Variants in RCHY1 observed in about 807,000 individuals in gnomAD.
RCHY1 encodes the protein RING finger and CHY zinc finger domain-containing protein 1.
RCHY1 carries 21 observed loss-of-function variants against 41.6 expected under a neutral mutation model. That is an observed-to-expected ratio of 0.51 (90% CI 0.36 to 0.73). The LOEUF is 0.73. RCHY1 is among the 30% of genes least tolerant of loss of function. The pLI, the probability that RCHY1 is intolerant of heterozygous loss-of-function variation, is 0.00. For missense variants in RCHY1, 265 were observed against 325.3 expected, an observed-to-expected ratio of 0.81 and a Z score of 1.43; for synonymous variants, 79 against 102.9, an observed-to-expected ratio of 0.77 and a Z score of 1.41.
At chr4:75,504,838 A>T (rs1279430832) in intron 3 of RCHY1, among the ~76,000 whole-genome samples, 2 of 152,232 alleles carry the variant, frequency 1.3e-5, no homozygotes, top group Non-Finnish European at 1.5e-5. Context: ...TCTGCACATT[A>T]TTCACAAAAG....
At chr4:75,486,627 T>C (rs1346602950) in intron 8 of RCHY1, among the ~76,000 whole-genome samples, 1 of 152,074 alleles carries the variant, frequency 6.6e-6, no homozygotes, top group African/African-American at 2.4e-5. Context: ...TTAAAACTAC[T>C]AGATGTAAGA....
intron 8 of RCHY1, among the ~76,000 whole-genome samples, chr4:75,489,937 T>TGA (rs1722599132): frequency 6.6e-6 from 1 of 152,170 alleles, no homozygotes; most frequent in Non-Finnish European, 1.5e-5. Context: ...TGGACACCCA[T>TGA]GAGAGACCTT....
chr4:75,487,841 TATATATTCATA>T (rs1722365652), intron 8 of RCHY1, among the ~76,000 whole-genome samples: 5 of 89,810 alleles, frequency 5.6e-5, no homozygotes, highest in Admixed American at 1.2e-4. Flanking sequence ...ATATTCATAA[TATATATTCATA>T]ATATATATAT....
intron 8 of RCHY1, among the ~76,000 whole-genome samples, chr4:75,489,115 C>T (rs995244307): frequency 2.6e-5 from 4 of 151,822 alleles, no homozygotes; most frequent in African/African-American, 9.7e-5. Flanking sequence ...CATGGCTCAT[C>T]ATGGAAAAGA....
chr4:75,492,191 T>C (rs10518139), intron 4 of RCHY1, among the ~76,000 whole-genome samples: 46,060 of 151,726 alleles, frequency 0.3, 7,428 homozygotes, highest in Non-Finnish European at 0.35. Flanking sequence ...ATAAGGAAAG[T>C]GACTTAGGAA....
intron 3 of RCHY1, among the ~76,000 whole-genome samples, chr4:75,498,142 A>G (rs558263325): frequency 6.6e-6 from 1 of 151,528 alleles, no homozygotes; most frequent in Non-Finnish European, 1.5e-5. Flanking sequence ...ACCAGAAACA[A>G]AAGAGAAGAC....
At chr4:75,500,012 A>T (rs1375236885) in intron 3 of RCHY1, among the ~76,000 whole-genome samples, 1 of 152,134 alleles carries the variant, frequency 6.6e-6, no homozygotes. Context: ...ATGGTGGCAC[A>T]TTCCTATAGT....
At chr4:75,509,640 T>G in intron 1 of RCHY1, 1 of 195,520 alleles carries the variant, frequency 5.1e-6, no homozygotes, top group Middle Eastern at 2.1e-3. Flanking sequence ...CTCCCAGAAT[T>G]CCCACGTGTT....
chr4:75,492,440 G>C (rs1182239792), intron 4 of RCHY1, among the ~76,000 whole-genome samples: 1 of 152,018 alleles, frequency 6.6e-6, no homozygotes. Context: ...CCATTTTACA[G>C]TTAAAGCAGT....
intron 8 of RCHY1, among the ~76,000 whole-genome samples, chr4:75,488,332 T>C (rs1456882980): frequency 6.6e-6 from 1 of 152,116 alleles, no homozygotes; most frequent in African/African-American, 2.4e-5. Context: ...TCTGATGCAG[T>C]TTCTCTGAAA....
At chr4:75,487,616 ATATATATAT>A (rs1722228675) in intron 8 of RCHY1, among the ~76,000 whole-genome samples, 1 of 21,852 alleles carries the variant, frequency 4.6e-5, no homozygotes, top group African/African-American at 2.5e-4. Context: ...TATATTCATA[ATATATATAT>A]TCATAATATA....
Position 75,492,906 on chromosome 4 carries a change from C to T in RCHY1, c.406-973G>A, listed in dbSNP as rs6818310. On this transcript the variant is annotated intron_variant, in intron 4 of 8. Transcript: ENST00000324439. ...TCTTATTTATAAAATAAAATTAATA[C>T]ATATTTCATTTGATTCTAAAGTGCA... Among the ~76,000 whole-genome samples, 358 of 152,044 alleles carry T rather than the reference C, an allele frequency of 2.4e-3. 1 individual carries two copies. The highest frequency in any genetic ancestry group is 8.5e-3 in the African/African-American group (352 of 41,524).
chr4:75,494,606 C>G (rs1428712479), intron 3 of RCHY1, among the ~76,000 whole-genome samples: 1 of 151,694 alleles, frequency 6.6e-6, no homozygotes, highest in Non-Finnish European at 1.5e-5. Flanking sequence ...TAAATATTCC[C>G]TCAGAAAGAT....
chr4:75,491,032 G>T, intron 7 of RCHY1: 1 of 177,934 alleles, frequency 5.6e-6, no homozygotes, highest in Admixed American at 6.1e-5. Flanking sequence ...ATACACTCAT[G>T]TAAAGAGACT....
intron 3 of RCHY1, among the ~76,000 whole-genome samples, chr4:75,499,302 T>C (rs1228368524): frequency 2.0e-5 from 3 of 152,122 alleles, no homozygotes; most frequent in Non-Finnish European, 4.4e-5. Flanking sequence ...ATAGAGAAAG[T>C]GGAACCCTTG....
At chr4:75,492,495 A>G (rs1159513779) in intron 4 of RCHY1, among the ~76,000 whole-genome samples, 1 of 151,926 alleles carries the variant, frequency 6.6e-6, no homozygotes, top group African/African-American at 2.4e-5. Context: ...ACACATTAAT[A>G]AGAGGCAGAA....
At chr4:75,491,659 T>A (rs781057818) in intron 6 of RCHY1, 22 bp from the exon 7 acceptor site, 1 of 1,601,430 alleles carries the variant, frequency 6.2e-7, no homozygotes, top group Non-Finnish European at 8.5e-7. Context: ...TATAAGATTA[T>A]TTTAGTAAAA....
chr4:75,496,990 T>C (rs556735677), intron 3 of RCHY1, among the ~76,000 whole-genome samples: 1 of 152,148 alleles, frequency 6.6e-6, no homozygotes, highest in East Asian at 1.9e-4. Flanking sequence ...GTATTAAATA[T>C]GAAAAATATG....
rs1721364776 is a variant in RCHY1 at position 75,479,522 on chromosome 4, A to G, written c.*3016T>C. ...AAAACTGAGTTTGATTTTAAAATCC[A>G]TGACACTATAAACAAACTACTACTT... On this transcript the variant is annotated 3_prime_UTR_variant, in exon 9 of 9. Transcript: ENST00000324439. 6.6e-6 allele frequency: 1 copy of G among 152,146 alleles called. No homozygotes were observed. Among genetic ancestry groups the G allele is most frequent in the Admixed American group, 6.5e-5 (1 of 15,272 alleles). The allele number at this position is 152,146 out of a possible 1,614,324, so 9.4% of individuals were successfully genotyped here.
Sources: gnomAD v4.1 joint callset for allele counts (sites outside exome capture counted in the v4.1 genomes callset) on GRCh38, gnomAD v4.1.1 for gene constraint, MANE v1.5 for transcripts, NCBI Gene and HGNC (gene_info 2026-07-23, HGNC 2026-07-21) for gene names.